The following NSD1 variants were observed in gnomAD, a reference collection of about 807,000 sequenced individuals.
NSD1 encodes nuclear receptor binding SET domain protein 1.
Under a neutral mutation model 242.7 loss-of-function variants are expected in NSD1, and 26 were observed. The observed-to-expected ratio is 0.11, with a 90% CI of 0.08 to 0.15. The LOEUF is 0.15. NSD1 is among the 10% of genes least tolerant of loss of function. NSD1 has a pLI of 1.00. For synonymous variants in NSD1, 1,106 were observed against 1,178.1 expected (o/e 0.94, Z 1.25); for missense variants, 2,495 against 3,272.8 (o/e 0.76, Z 5.80).
chr5:177,147,125 T>C (rs1236597162), intron 2 of NSD1, among the ~76,000 whole-genome samples: 1 of 152,146 alleles, frequency 6.6e-6, no homozygotes, highest in Non-Finnish European at 1.5e-5. Flanking sequence ...TTTTCGTATG[T>C]GACAGCGTCT....
At position 177,212,206 on chromosome 5, in the gene NSD1, C is replaced by A. The variant is rs2149849835; in HGVS notation, c.3796+11C>A. 1 of 1,606,222 alleles carries A rather than the reference C, an allele frequency of 6.2e-7. No individual in the cohort carries two copies. Among genetic ancestry groups the A allele is most frequent in the Non-Finnish European group, 8.5e-7 (1 of 1,177,674 alleles). On this transcript the variant is annotated intron_variant, in intron 5 of 22. Transcript: ENST00000439151. Reference sequence around the variant, plus strand: ...AGCTCCCTGAACCAGGTAAGGACATCTAAATGTGATAAAAAAAAAAAAATT... The same window carrying A: ...AGCTCCCTGAACCAGGTAAGGACATATAAATGTGATAAAAAAAAAAAAATT...
chr5:177,186,722 C>T (rs1054494786), intron 2 of NSD1, among the ~76,000 whole-genome samples: 1 of 152,120 alleles, frequency 6.6e-6, no homozygotes, highest in African/African-American at 2.4e-5. Flanking sequence ...GCCGTGGTGG[C>T]TCAGGCCTAT....
At chr5:177,173,879 C>T (rs907992202) in intron 2 of NSD1, among the ~76,000 whole-genome samples, 3 of 152,082 alleles carry the variant, frequency 2.0e-5, no homozygotes, top group East Asian at 1.9e-4. Context: ...TGTTCTAATG[C>T]GACTGCCAAA....
intron 3 of NSD1, among the ~76,000 whole-genome samples, chr5:177,203,302 G>T (rs1217661898): frequency 1.3e-5 from 2 of 151,926 alleles, no homozygotes; most frequent in Non-Finnish European, 2.9e-5. Flanking sequence ...TATACTAGAT[G>T]AATTATAATC....
intron 3 of NSD1, among the ~76,000 whole-genome samples, chr5:177,201,334 C>T (rs769026155): frequency 2.4e-4 from 36 of 152,176 alleles, no homozygotes; most frequent in African/African-American, 7.9e-4. Flanking sequence ...CTCAGTCTCC[C>T]GAGTAGCTGG....
At chr5:177,199,886 C>T (rs1215984189) in intron 3 of NSD1, among the ~76,000 whole-genome samples, 2 of 152,014 alleles carry the variant, frequency 1.3e-5, no homozygotes, top group Admixed American at 6.6e-5. Context: ...CGAGCCACCA[C>T]GCCCGGCCTC....
chr5:177,162,287 G>A (rs1000116471), intron 2 of NSD1, among the ~76,000 whole-genome samples: 5 of 149,864 alleles, frequency 3.3e-5, no homozygotes, highest in African/African-American at 7.4e-5. Context: ...AAGAGAGTGA[G>A]ACTCGGTCTT....
At chr5:177,144,635 T>C (rs1222044843) in intron 2 of NSD1, among the ~76,000 whole-genome samples, 4 of 152,170 alleles carry the variant, frequency 2.6e-5, no homozygotes, top group Non-Finnish European at 4.4e-5. Flanking sequence ...AATTTATTCT[T>C]CCTGGTTTTC....
At chr5:177,189,265 A>G (rs1451973811) in intron 2 of NSD1, among the ~76,000 whole-genome samples, 1 of 152,154 alleles carries the variant, frequency 6.6e-6, no homozygotes, top group Non-Finnish European at 1.5e-5. Flanking sequence ...TTTGAAGGTG[A>G]CACAGTTTGT....
At chr5:177,286,314 G>A (rs532812578) in intron 20 of NSD1, among the ~76,000 whole-genome samples, 77 of 152,194 alleles carry the variant, frequency 5.1e-4, no homozygotes, top group East Asian at 3.7e-3. Context: ...CGGGTTTTGC[G>A]TTTGTTTCTC....
At position 177,140,662 on chromosome 5, in the gene NSD1, T is replaced by A. The variant is rs551944290; in HGVS notation, c.927+4632T>A. ...AGCCACTGCACTCCAACCTAGGCAA[T>A]ATAATGAGATTCTGTCTCTTAAAAA... On this transcript the variant is annotated intron_variant, in intron 2 of 22. Coordinates refer to ENST00000439151, the MANE Select transcript of NSD1 (RefSeq NM_022455.5). 4.1e-4 allele frequency among the ~76,000 whole-genome samples: 62 copies of A among 151,850 alleles called. 1 individual carries two copies. Among genetic ancestry groups the A allele is most frequent in the Admixed American group, 1.4e-3 (22 of 15,214 alleles).
chr5:177,245,979 T>A (rs541049905), intron 9 of NSD1, among the ~76,000 whole-genome samples: 78 of 147,490 alleles, frequency 5.3e-4, no homozygotes, highest in African/African-American at 1.1e-3. Flanking sequence ...TATTTATTTT[T>A]TTTTTTTTGA....
Position 177,135,189 on chromosome 5 carries a change from A to G in NSD1, c.86A>G (p.Asp29Gly). The change falls in exon 2 of 23, where the codon GAC (aspartate) becomes GGC (glycine). Residue 29 changes from aspartate (D) to glycine (G), a missense_variant. Asp to Gly is a moderately conservative substitution (Grantham distance 94, BLOSUM62 -1). This residue lies in a region of NSD1 where 376 missense variants were observed against 367.4 expected (regional missense o/e 1.02). Transcript: ENST00000439151. ...AATTTAGATGCCCCTGAAGACAAGG[A>G]CAGCCCTTTCGGTAATGGTCAATCC... ...PVNLDAPEDK[D>G]SPFGNGQSNF... 2.5e-6 allele frequency: 4 copies of G among 1,614,082 alleles called. No homozygotes were observed. Among genetic ancestry groups the G allele is most frequent in the South Asian group, 1.1e-5 (1 of 91,078 alleles).
At chr5:177,203,604 T>C (rs940035227) in intron 3 of NSD1, among the ~76,000 whole-genome samples, 5 of 152,216 alleles carry the variant, frequency 3.3e-5, no homozygotes, top group Non-Finnish European at 7.3e-5. Flanking sequence ...GCAAAGCACC[T>C]TGTGTGGTGC....
chr5:177,212,769 CT>C (rs964667303), intron 5 of NSD1, among the ~76,000 whole-genome samples: 7 of 148,324 alleles, frequency 4.7e-5, no homozygotes, highest in African/African-American at 1.2e-4. Context: ...ATGGTAGTTT[CT>C]TTTTTTTTTC....
At chr5:177,207,831 C>T (rs1763014770) in intron 4 of NSD1, among the ~76,000 whole-genome samples, 1 of 151,856 alleles carries the variant, frequency 6.6e-6, no homozygotes, top group Non-Finnish European at 1.5e-5. Flanking sequence ...CAACTTTCAC[C>T]TCCTGGGCAC....
chr5:177,223,749 A>G (rs1440744130), intron 5 of NSD1, among the ~76,000 whole-genome samples: 1 of 152,150 alleles, frequency 6.6e-6, no homozygotes, highest in Non-Finnish European at 1.5e-5. Context: ...TTGGGAGGCC[A>G]AGGTGGGTGG....
At chr5:177,148,845 G>A (rs900977291) in intron 2 of NSD1, among the ~76,000 whole-genome samples, 2 of 151,668 alleles carry the variant, frequency 1.3e-5, no homozygotes, top group Non-Finnish European at 2.9e-5. Flanking sequence ...TTGAGACGGA[G>A]TCTCGCCCTG....
rs138385964 is a variant in NSD1 at position 177,274,697 on chromosome 5, T to TTGTGTGTGTG, written c.5622+935_5622+944dup. Among the ~76,000 whole-genome samples the TTGTGTGTGTG allele has an allele frequency of 3.1e-3, 444 of 145,430 alleles. 5 individuals are homozygous for TTGTGTGTGTG. The highest frequency in any genetic ancestry group is 7.5e-3 in the African/African-American group (296 of 39,548). ...AATGCATTATTTGTTCACTTATCCT[T>TTGTGTGTGTG]TGTGTGTGTGTGTGTGTGTGTGTGT... On this transcript the variant is annotated intron_variant, in intron 17 of 22. Transcript: ENST00000439151.
Sources: gnomAD v4.1 joint callset for allele counts (sites outside exome capture counted in the v4.1 genomes callset) on GRCh38, gnomAD v4.1.1 for gene constraint, gnomAD v4.1.1 regional missense constraint, MANE v1.5 for transcripts, NCBI Gene and HGNC (gene_info 2026-07-23, HGNC 2026-07-21) for gene names.